Variants in SPATA9 observed in about 807,000 individuals in gnomAD.
SPATA9 encodes the protein spermatogenesis-associated protein 9.
In SPATA9, 27 loss-of-function variants were observed where a neutral mutation model predicts 25.5. The ratio of observed to expected loss-of-function variants is 1.06; its 90% CI spans 0.78 to 1.46. The LOEUF is 1.46. Among genes scored for constraint, SPATA9 ranks in the 40% most tolerant of loss-of-function variants. SPATA9 has a pLI of 0.00. For missense variants in SPATA9, 282 were observed against 297.5 expected (o/e 0.95, Z 0.38); for synonymous variants, 102 against 105.7 (o/e 0.97, Z 0.21).
intron 3 of SPATA9, among the ~76,000 whole-genome samples, chr5:95,664,956 A>T (rs1751626856): frequency 6.6e-6 from 1 of 152,266 alleles, no homozygotes; most frequent in African/African-American, 2.4e-5. Flanking sequence ...TTGATTAAAG[A>T]GTTATAACAT....
At chr5:95,669,877 G>A (rs1028590612) in intron 3 of SPATA9, among the ~76,000 whole-genome samples, 1 of 152,096 alleles carries the variant, frequency 6.6e-6, no homozygotes, top group African/African-American at 2.4e-5. Context: ...CATTCCTGAG[G>A]CTTTTTATAG....
At position 95,682,814 on chromosome 5, in the gene SPATA9, A is replaced by G; in HGVS notation, c.41T>C (p.Leu14Ser). The G allele has an allele frequency of 6.5e-7, 1 of 1,549,460 alleles. No individual in the cohort carries two copies. Among genetic ancestry groups the G allele is most frequent in the Non-Finnish European group, 8.7e-7 (1 of 1,152,390 alleles). ...TATACTTCTTCCAGAAAAGTTCTTC[A>G]ACACCTGCCCACATATCCACCCAAC... ...KPVGWICGQVLKNFSGRIEGI... is the reference protein window; with the variant it reads ...KPVGWICGQVSKNFSGRIEGI... The change falls in exon 1 of 5, where the codon TTG (leucine) becomes TCG (serine). Residue 14 changes from leucine (L) to serine (S), a missense_variant. Transcript: ENST00000274432.
intron 3 of SPATA9, chr5:95,670,914 T>C: frequency 1.0e-6 from 1 of 985,292 alleles, no homozygotes; most frequent in Non-Finnish European, 1.2e-6. Flanking sequence ...CGTTGTTTAC[T>C]ACAACTTAGT....
the SPATA9 span, among the ~76,000 whole-genome samples, chr5:95,705,359 G>A: frequency 6.6e-6 from 1 of 151,992 alleles, no homozygotes; most frequent in Non-Finnish European, 1.5e-5. Flanking sequence ...AATTTTGGAG[G>A]GGACACCATA....
downstream of SPATA9, chr5:95,655,924 T>C: frequency 2.5e-6 from 2 of 807,570 alleles, no homozygotes; most frequent in Admixed American, 2.7e-5. Context: ...AATTTGTACA[T>C]AGGAGGAAAA....
At chr5:95,682,248 CAA>C (rs1753527432) in intron 2 of SPATA9, among the ~76,000 whole-genome samples, 1 of 152,090 alleles carries the variant, frequency 6.6e-6, no homozygotes, top group Admixed American at 6.5e-5. Flanking sequence ...TTTTACATTG[CAA>C]TTGTAGTGTT....
the SPATA9 span, chr5:95,719,838 C>G: frequency 6.6e-6 from 1 of 152,132 alleles, no homozygotes; most frequent in Non-Finnish European, 1.5e-5. Flanking sequence ...ATGCAGTTTG[C>G]TCTGGAAATG....
chr5:95,658,508 C>G lies in SPATA9; in HGVS notation c.*115G>C. The G allele has an allele frequency of 7.5e-7, 1 of 1,332,456 alleles. No individual in the cohort carries two copies. The allele number at this position is 1,332,456 out of a possible 1,614,324, so 82.5% of individuals were successfully genotyped here. The stretch of plus-strand genomic sequence containing the variant: ...GACATTTTAATAGTAGCCCCCTTCT[C>G]TTTTTTTTAAGAAAGCAGAGCAATT... On this transcript the variant is annotated 3_prime_UTR_variant, in exon 5 of 5. Coordinates refer to ENST00000274432, the MANE Select transcript of SPATA9 (RefSeq NM_031952.4).
intron 1 of SPATA9, among the ~76,000 whole-genome samples, chr5:95,696,786 T>C (rs1754034087): frequency 6.6e-6 from 1 of 152,070 alleles, no homozygotes; most frequent in Non-Finnish European, 1.5e-5. Context: ...GAGTCCAAAG[T>C]TGCAGTGAAC....
At chr5:95,663,878 C>G in intron 4 of SPATA9, 75 bp downstream of exon 4, 1 of 743,572 alleles carries the variant, frequency 1.3e-6, no homozygotes. Flanking sequence ...GTACAGTATA[C>G]TATTGCACAG....
At chr5:95,725,652 A>G in the SPATA9 span, among the ~76,000 whole-genome samples, 1 of 152,234 alleles carries the variant, frequency 6.6e-6, no homozygotes, top group South Asian at 2.1e-4. Flanking sequence ...AAGCTGCTAT[A>G]AAATTCTTGT....
chr5:95,697,412 C>T (rs1279927172), intron 1 of SPATA9, among the ~76,000 whole-genome samples: 1 of 152,154 alleles, frequency 6.6e-6, no homozygotes, highest in East Asian at 1.9e-4. Context: ...CGGATTGTCC[C>T]ATGGTGAGCA....
the SPATA9 span, chr5:95,731,485 C>G: frequency 1.6e-6 from 2 of 1,233,326 alleles, no homozygotes; most frequent in Non-Finnish European, 2.0e-6. Flanking sequence ...GCCCGCTAGC[C>G]CGCCCTGGTC....
chr5:95,691,152 C>T (rs1304444032), intron 1 of SPATA9, among the ~76,000 whole-genome samples: 1 of 150,488 alleles, frequency 6.6e-6, no homozygotes, highest in African/African-American at 2.4e-5. Context: ...GGAGGGGGAG[C>T]TTGCAGTGAG....
At chr5:95,703,608 T>C (rs1381822433), upstream of SPATA9, among the ~76,000 whole-genome samples, 1 of 151,654 alleles carries the variant, frequency 6.6e-6, no homozygotes, top group African/African-American at 2.4e-5. Context: ...CATTCCAGCC[T>C]GGGCAATCAG....
chr5:95,732,022 A>C, the SPATA9 span: 1 of 1,614,172 alleles, frequency 6.2e-7, no homozygotes, highest in Admixed American at 1.7e-5. Context: ...TCCGGTGTTC[A>C]CCGAGTATCA....
chr5:95,704,161 A>G, the SPATA9 span, among the ~76,000 whole-genome samples: 2 of 152,172 alleles, frequency 1.3e-5, no homozygotes, highest in African/African-American at 4.8e-5. Flanking sequence ...AATAGTTTTC[A>G]TTATTCTCTA....
intron 3 of SPATA9, among the ~76,000 whole-genome samples, chr5:95,664,577 A>G (rs1046269739): frequency 5.3e-5 from 8 of 152,218 alleles, no homozygotes; most frequent in African/African-American, 1.9e-4. Context: ...AAACACAGAG[A>G]AGTTTAACAC....
chr5:95,704,330 G>A, the SPATA9 span, among the ~76,000 whole-genome samples: 3 of 152,110 alleles, frequency 2.0e-5, no homozygotes, highest in Non-Finnish European at 4.4e-5. Flanking sequence ...TTAGCTCTGG[G>A]TATTAGACAG....
Sources: gnomAD v4.1 joint callset for allele counts (sites outside exome capture counted in the v4.1 genomes callset) on GRCh38, gnomAD v4.1.1 for gene constraint, MANE v1.5 for transcripts, NCBI Gene and HGNC (gene_info 2026-07-23, HGNC 2026-07-21) for gene names.